The following BMS1 variants were observed in gnomAD, a reference collection of about 807,000 sequenced individuals.
The protein encoded by BMS1 is BMS1 ribosome biogenesis factor.
BMS1 carries 53 observed loss-of-function variants against 138.7 expected under a neutral mutation model. The observed-to-expected ratio is 0.38, with a 90% CI of 0.31 to 0.48. The LOEUF is 0.48. BMS1 is among the 20% of genes least tolerant of loss of function. The pLI, the probability that BMS1 is intolerant of heterozygous loss-of-function variation, is 0.97. For missense variants in BMS1, 1,360 were observed against 1,565.5 expected (o/e 0.87, Z 2.22); for synonymous variants, 504 against 539.9 (o/e 0.93, Z 0.92).
In BMS1 at chr10:42,793,096, T is replaced by C. The variant is rs965592460; in HGVS notation, c.1041T>C (p.Tyr347=). 4 of 1,613,952 alleles carry C rather than the reference T, an allele frequency of 2.5e-6. No homozygotes were observed. The highest frequency in any genetic ancestry group is 3.4e-6 in the Non-Finnish European group (4 of 1,179,906). Residue 347 remains tyrosine (Y), a synonymous_variant, in exon 8 of 23, where the codon TAT becomes TAC. Coordinates refer to ENST00000374518, the MANE Select transcript of BMS1 (RefSeq NM_014753.4). The part of the protein sequence containing the change: ...APLSGVGGVL[Y]DKDAVYVDLG... ...TTTCTGGAGTTGGGGGTGTGCTGTA[T>C]GACAAAGACGCTGTCTATGTTGACC...
intron 13 of BMS1, among the ~76,000 whole-genome samples, chr10:42,807,090 A>T (rs534682528): frequency 2.6e-5 from 4 of 151,578 alleles, no homozygotes; most frequent in Admixed American, 6.6e-5. Flanking sequence ...GTGCTCTTTT[A>T]TCACATGTGT....
chr10:42,785,591 A>C lies in BMS1; in HGVS notation c.286A>C (p.Ser96Arg). The C allele has an allele frequency of 3.1e-6, 5 of 1,613,956 alleles. No individual in the cohort carries two copies. Among genetic ancestry groups the C allele is most frequent in the Non-Finnish European group, 4.2e-6 (5 of 1,179,840 alleles). ...VVMGPPKVGKSTLIQCLIRNF... is the reference protein window; with the variant it reads ...VVMGPPKVGKRTLIQCLIRNF... ...GATGGGACCTCCAAAAGTTGGAAAG[A>C]GCACTTTGATACAATGCCTCATTCG... is the stretch of plus-strand genomic sequence containing the variant. Residue 96 changes from serine (S) to arginine (R), a missense_variant, in exon 3 of 23, where the codon AGC becomes CGC. Physicochemically the swap from Ser to Arg is moderately radical, Grantham distance 110. This residue lies in a region of BMS1 where 238 missense variants were observed against 311.1 expected (regional missense o/e 0.77). Transcript: ENST00000374518.
intron 9 of BMS1, among the ~76,000 whole-genome samples, chr10:42,795,042 C>T (rs1459554030): frequency 6.8e-6 from 1 of 146,904 alleles, no homozygotes; most frequent in African/African-American, 2.5e-5. Context: ...TGATAGTTTA[C>T]TGAGAATGAT....
At chr10:42,787,752 C>T (rs4126261) in intron 4 of BMS1, among the ~76,000 whole-genome samples, 1 of 152,122 alleles carries the variant, frequency 6.6e-6, no homozygotes, top group African/African-American at 2.4e-5. Flanking sequence ...CTGATGGTTC[C>T]AGAACCTTCA....
chr10:42,796,502 A>G lies in BMS1; in HGVS notation c.1258A>G (p.Met420Val). Residue 420 changes from methionine to valine, a missense_variant, in exon 10 of 23, where the codon ATG becomes GTG. Around this residue, in one of 3 missense-constraint regions of BMS1, gnomAD observed 697 missense variants for 686.2 expected, o/e 1.02. Coordinates refer to ENST00000374518, the MANE Select transcript of BMS1 (RefSeq NM_014753.4). ...AATGATGCCAAAGGAGGAAAAACAA[A>G]TGGACTTGAACACTGGTCGAATGCG... is the stretch of plus-strand genomic sequence containing the variant. ...GLMMPKEEKQMDLNTGRMRRK... is the reference protein window; with the variant it reads ...GLMMPKEEKQVDLNTGRMRRK... The G allele has an allele frequency of 3.7e-6, 6 of 1,613,436 alleles. No individual in the cohort carries two copies. In the South Asian group the frequency reaches 6.6e-5, roughly 18 times the overall value.
chr10:42,823,508 A>G, intron 20 of BMS1, 101 bp from the exon 21 acceptor site: 1 of 1,234,772 alleles, frequency 8.1e-7, no homozygotes, highest in Non-Finnish European at 1.1e-6. Context: ...CTTTGCAGCC[A>G]GGTAGAGAAG....
chr10:42,790,026 G>A (rs1037399864), intron 4 of BMS1, among the ~76,000 whole-genome samples: 3 of 152,168 alleles, frequency 2.0e-5, no homozygotes, highest in African/African-American at 7.2e-5. Flanking sequence ...TTCTCTGTCT[G>A]GGTGATGCCT....
intron 13 of BMS1, among the ~76,000 whole-genome samples, chr10:42,812,442 C>T (rs539396088): frequency 7.9e-5 from 12 of 152,114 alleles, no homozygotes; most frequent in East Asian, 1.9e-4. Flanking sequence ...GCCCGGCCTC[C>T]GCCTAGTTTT....
At chr10:42,783,077 T>C (rs1344930198) in intron 1 of BMS1, among the ~76,000 whole-genome samples, 3 of 152,102 alleles carry the variant, frequency 2.0e-5, no homozygotes, top group Non-Finnish European at 4.4e-5. Context: ...CCTGGCGACG[T>C]GGTCCCGGTA....
At chr10:42,795,512 G>A (rs964902206) in intron 9 of BMS1, among the ~76,000 whole-genome samples, 1 of 149,770 alleles carries the variant, frequency 6.7e-6, no homozygotes, top group African/African-American at 2.5e-5. Flanking sequence ...CTAGAGATTA[G>A]GTCTCACCAT....
At chr10:42,820,458 G>T in intron 16 of BMS1, 34 bp downstream of exon 16, 2 of 1,611,852 alleles carry the variant, frequency 1.2e-6, no homozygotes, top group African/African-American at 1.3e-5. Context: ...GGTGCCTGAG[G>T]CTCTGTGGAT....
chr10:42,811,520 C>CTTTTTTTT lies in BMS1; in HGVS notation c.2330-5074_2330-5073insTTTTTTTT, dbSNP rs879940551. ...CACAAATGTTCACGTGTTGTATTTT[C>CTTTTTTTT]TTTTTCTTTTTTTTTTTTTTTTGAG... On this transcript the variant is annotated intron_variant, in intron 13 of 22. Coordinates refer to ENST00000374518, the MANE Select transcript of BMS1 (RefSeq NM_014753.4). Among the ~76,000 whole-genome samples, 149 of 121,534 alleles carry CTTTTTTTT rather than the reference C, an allele frequency of 1.2e-3. 23 individuals carry two copies. The highest frequency in any genetic ancestry group is 4.2e-3 in the African/African-American group (126 of 29,828). 79.7% of individuals were successfully genotyped at this position (121,534 alleles called of 152,430 possible). A position where few individuals can be genotyped will look rare whatever the true frequency, so the allele number is the denominator to read the frequency against.
Position 42,793,047 on chromosome 10 carries a change from A to G in BMS1, c.992A>G (p.Lys331Arg). 3.1e-6 allele frequency: 5 copies of G among 1,614,096 alleles called. No individual in the cohort carries two copies. The highest frequency in any genetic ancestry group is 4.2e-6 in the Non-Finnish European group (5 of 1,179,994). The change falls in exon 8 of 23, where the codon AAG (lysine) becomes AGG (arginine). Residue 331 changes from lysine to arginine, a missense_variant. Around this residue, in one of 3 missense-constraint regions of BMS1, gnomAD observed 697 missense variants for 686.2 expected, o/e 1.02. Coordinates refer to ENST00000374518, the MANE Select transcript of BMS1 (RefSeq NM_014753.4). Reference sequence around the variant, plus strand: ...CAAAAGAAGCGCTGTTTAAATGAGAAGGAGAAGCTGGTTTATGCGCCTCTT... The same window carrying G: ...CAAAAGAAGCGCTGTTTAAATGAGAGGGAGAAGCTGGTTTATGCGCCTCTT... ...EQQKKRCLNEKEKLVYAPLSG... is the reference protein window; with the variant it reads ...EQQKKRCLNEREKLVYAPLSG...
In BMS1 at chr10:42,797,034, G is replaced by A; in HGVS notation, c.1790G>A (p.Ser597Asn). 1 of 1,614,182 alleles carries A rather than the reference G, an allele frequency of 6.2e-7. No individual in the cohort carries two copies. The highest frequency in any genetic ancestry group is 1.3e-5 in the African/African-American group (1 of 75,032). The change falls in exon 10 of 23, where the codon AGC (serine) becomes AAC (asparagine). Residue 597 changes from serine (S) to asparagine (N), a missense_variant. By Grantham distance (46) the Ser-to-Asn change is conservative (BLOSUM62 1). Coordinates refer to ENST00000374518, the MANE Select transcript of BMS1 (RefSeq NM_014753.4). ...GCATCTGAAGATGAATCTGAAGAAA[G>A]CTCCTCACTCAGTGCAGAGGAAGAA... is the stretch of plus-strand genomic sequence containing the variant. ...VFASEDESEE[S>N]SSLSAEEEDS...
At chr10:42,819,233 G>A (rs527264737) in intron 15 of BMS1, among the ~76,000 whole-genome samples, 61 of 152,280 alleles carry the variant, frequency 4.0e-4, no homozygotes, top group African/African-American at 1.4e-3. Context: ...GTGAGCAAGT[G>A]ATGTGTGGCC....
At chr10:42,801,431 A>G (rs1321953855) in intron 12 of BMS1, among the ~76,000 whole-genome samples, 1 of 152,216 alleles carries the variant, frequency 6.6e-6, no homozygotes, top group African/African-American at 2.4e-5. Context: ...TTCTCTTTTC[A>G]AAAGTGACTG....
At position 42,796,558 on chromosome 10, in the gene BMS1, A is replaced by T; in HGVS notation, c.1314A>T (p.Glu438Asp). The T allele has an allele frequency of 6.2e-7, 1 of 1,614,218 alleles. No homozygotes were observed. Among genetic ancestry groups the T allele is most frequent in the Non-Finnish European group, 8.5e-7 (1 of 1,180,032 alleles). ...AAGCCATTTTCGGAGATGAAGATGAATCTGGAGATAGTGATGATGAAGAAG... is the reference window on the plus strand; with the variant it reads ...AAGCCATTTTCGGAGATGAAGATGATTCTGGAGATAGTGATGATGAAGAAG... ...RRKAIFGDED[E>D]SGDSDDEEDD... The change falls in exon 10 of 23, where the codon GAA becomes GAT. Residue 438 changes from glutamate to aspartate, a missense_variant. Around this residue, in one of 3 missense-constraint regions of BMS1, gnomAD observed 697 missense variants for 686.2 expected, o/e 1.02. Transcript: ENST00000374518.
At chr10:42,788,022 A>G (rs1841390831) in intron 4 of BMS1, among the ~76,000 whole-genome samples, 1 of 145,268 alleles carries the variant, frequency 6.9e-6, no homozygotes, top group Non-Finnish European at 1.5e-5. Flanking sequence ...ATTTTTATTT[A>G]GTTTTTTCTA....
intron 13 of BMS1, among the ~76,000 whole-genome samples, chr10:42,811,626 G>A (rs1420109724): frequency 7.4e-6 from 1 of 135,570 alleles, no homozygotes. Flanking sequence ...CTGGGTTCAC[G>A]CCATTCTCCT....
Sources: gnomAD v4.1 joint callset for allele counts (sites outside exome capture counted in the v4.1 genomes callset) on GRCh38, gnomAD v4.1.1 for gene constraint, gnomAD v4.1.1 regional missense constraint, MANE v1.5 for transcripts, NCBI Gene and HGNC (gene_info 2026-07-23, HGNC 2026-07-21) for gene names.